Variants in AKR1A1 observed in about 807,000 individuals in gnomAD.
AKR1A1 encodes HEL-S-165mP.
Under a neutral mutation model 39.2 loss-of-function variants are expected in AKR1A1, and 26 were observed. The observed-to-expected ratio is 0.66, with a 90% CI of 0.49 to 0.92. The LOEUF is 0.92. Ranked by LOEUF, AKR1A1 falls within the 40% of genes least tolerant of loss-of-function variation. The probability of loss-of-function intolerance (pLI) is 0.00; values close to 1 mark genes in which losing one functional copy is unlikely to be tolerated. For missense variants in AKR1A1, 378 were observed against 406.5 expected, an observed-to-expected ratio of 0.93 and a Z score of 0.60; for synonymous variants, 141 against 155.5, an observed-to-expected ratio of 0.91 and a Z score of 0.69.
At chr1:45,556,787 G>C (rs1369207770) in intron 1 of AKR1A1, among the ~76,000 whole-genome samples, 1 of 152,144 alleles carries the variant, frequency 6.6e-6, no homozygotes, top group Non-Finnish European at 1.5e-5. Flanking sequence ...TGAGGCAGGA[G>C]AATCGCTTGA....
intron 1 of AKR1A1, 141 bp downstream of exon 1, chr1:45,551,296 T>G (rs1446856157): frequency 7.1e-6 from 1 of 140,168 alleles, no homozygotes; most frequent in African/African-American, 3.3e-5. Flanking sequence ...ATTTGAGCTC[T>G]TCTTTTTCTC....
chr1:45,561,301 C>A (rs984065963), intron 1 of AKR1A1, among the ~76,000 whole-genome samples: 8 of 152,164 alleles, frequency 5.3e-5, no homozygotes, highest in African/African-American at 1.9e-4. Flanking sequence ...TGTCCAGGAG[C>A]TACTGGCCAT....
At chr1:45,564,406 T>C (rs551203381) in intron 2 of AKR1A1, among the ~76,000 whole-genome samples, 1 of 152,110 alleles carries the variant, frequency 6.6e-6, no homozygotes, top group Admixed American at 6.5e-5. Context: ...TAGGGCCGGG[T>C]ACCCTTGTTT....
intron 7 of AKR1A1, 32 bp from the exon 8 acceptor site, chr1:45,569,111 T>C (rs753680045): frequency 1.2e-6 from 2 of 1,609,630 alleles, no homozygotes; most frequent in Non-Finnish European, 1.7e-6. Flanking sequence ...CTCACAAAGC[T>C]GGCTTTCTTG....
chr1:45,561,695 C>T (rs1644279671), intron 1 of AKR1A1, 94 bp from the exon 2 acceptor site: 3 of 1,270,484 alleles, frequency 2.4e-6, no homozygotes, highest in South Asian at 2.5e-5. Flanking sequence ...TGAGCCACTG[C>T]ACTTGGCGCT....
chr1:45,566,258 G>C (rs1425070944), intron 2 of AKR1A1, among the ~76,000 whole-genome samples: 2 of 152,218 alleles, frequency 1.3e-5, no homozygotes, highest in African/African-American at 4.8e-5. Flanking sequence ...ACAGGCACCT[G>C]CCACCACACC....
intron 1 of AKR1A1, among the ~76,000 whole-genome samples, chr1:45,553,474 T>C (rs1644160624): frequency 6.6e-6 from 1 of 151,822 alleles, no homozygotes; most frequent in African/African-American, 2.4e-5. Flanking sequence ...TGGAGGTAGA[T>C]ATGGATGGAC....
intron 1 of AKR1A1, among the ~76,000 whole-genome samples, chr1:45,552,855 T>G (rs1644148600): frequency 6.6e-6 from 1 of 152,162 alleles, no homozygotes; most frequent in Non-Finnish European, 1.5e-5. Flanking sequence ...CTGGGCACAG[T>G]GGCTCATGCC....
intron 1 of AKR1A1, among the ~76,000 whole-genome samples, chr1:45,557,427 A>G (rs941281222): frequency 2.6e-5 from 4 of 152,232 alleles, no homozygotes; most frequent in Admixed American, 6.5e-5. Context: ...TGTTCTTTGC[A>G]GATCTCCTCC....
intron 2 of AKR1A1, among the ~76,000 whole-genome samples, chr1:45,565,755 G>A (rs541252627): frequency 4.0e-5 from 6 of 151,716 alleles, no homozygotes; most frequent in South Asian, 4.2e-4. Context: ...GATTATAGGC[G>A]TGAGCCACCA....
In AKR1A1 at chr1:45,568,033, C is replaced by T; in HGVS notation, c.408C>T (p.Asp136=). The T allele has an allele frequency of 6.2e-7, 1 of 1,613,992 alleles. No individual in the cohort carries two copies. The highest frequency in any genetic ancestry group is 8.5e-7 in the Non-Finnish European group (1 of 1,180,022). ...PKNADGTICY[D]STHYKETWKA... is the part of the protein sequence containing the mutation. ...ATGCTGATGGGACTATATGCTACGA[C>T]TCCACCCACTACAAGGAGACTTGGA... The change falls in exon 5 of 9, where the codon GAC becomes GAT. Residue 136 remains aspartate (D), a synonymous_variant. Coordinates refer to ENST00000351829, the MANE Select transcript of AKR1A1 (RefSeq NM_153326.3).
In AKR1A1 at chr1:45,566,599, G is replaced by A. The variant is rs369679468; in HGVS notation, c.115G>A (p.Val39Ile). The A allele has an allele frequency of 1.1e-5, 18 of 1,614,134 alleles. No homozygotes were observed. The highest frequency in any genetic ancestry group is 3.3e-4 in the Middle Eastern group (2 of 6,082). Residue 39 changes from valine (V) to isoleucine (I), a missense_variant, in exon 3 of 9, where the codon GTA becomes ATA. Transcript: ENST00000351829. ...AGCAGCTGTTAAGTATGCCCTTAGCGTAGGCTACCGCCACATTGATTGTGC... is the reference window on the plus strand; with the variant it reads ...AGCAGCTGTTAAGTATGCCCTTAGCATAGGCTACCGCCACATTGATTGTGC... ...VKAAVKYALS[V>I]GYRHIDCAAI...
At chr1:45,556,345 C>T (rs764554590) in intron 1 of AKR1A1, among the ~76,000 whole-genome samples, 1 of 151,904 alleles carries the variant, frequency 6.6e-6, no homozygotes, top group Non-Finnish European at 1.5e-5. Context: ...CACATTGGGC[C>T]GAGGTGGGTG....
chr1:45,567,880 C>A, intron 4 of AKR1A1, 102 bp from the exon 5 acceptor site: 1 of 1,135,300 alleles, frequency 8.8e-7, no homozygotes, highest in Non-Finnish European at 1.2e-6. Context: ...GGCCCTTTGT[C>A]CTCTCTGGGA....
chr1:45,556,127 A>G (rs374285710), intron 1 of AKR1A1, among the ~76,000 whole-genome samples: 3 of 152,226 alleles, frequency 2.0e-5, no homozygotes, highest in African/African-American at 7.2e-5. Context: ...TGTGTCTTCT[A>G]CTTCCCTGCA....
chr1:45,555,097 A>G (rs1644183841), intron 1 of AKR1A1, among the ~76,000 whole-genome samples: 1 of 152,210 alleles, frequency 6.6e-6, no homozygotes, highest in African/African-American at 2.4e-5. Context: ...GATAGAGTAC[A>G]AAGTCAACAC....
At chr1:45,565,471 A>AT (rs1019047883) in intron 2 of AKR1A1, among the ~76,000 whole-genome samples, 1 of 145,908 alleles carries the variant, frequency 6.9e-6, no homozygotes. Context: ...TTTTGTTGTT[A>AT]TTTTTTTTGT....
Position 45,569,178 on chromosome 1 carries a change from G to A in AKR1A1, c.861G>A (p.Lys287=), listed in dbSNP as rs147966788. Reference sequence around the variant, plus strand: ...TCACCTTTAGCCCAGAAGAGATGAAGCAGCTAAATGCCCTGAACAAAAATT... The same window carrying A: ...TCACCTTTAGCCCAGAAGAGATGAAACAGCTAAATGCCCTGAACAAAAATT... ...FDFTFSPEEM[K]QLNALNKNWR... is the part of the protein sequence containing the mutation. The change falls in exon 8 of 9, where the codon AAG becomes AAA. Residue 287 remains lysine, a synonymous_variant. Transcript: ENST00000351829. 2.4e-5 allele frequency: 39 copies of A among 1,614,134 alleles called. No individual in the cohort carries two copies. The highest frequency in any genetic ancestry group is 3.1e-5 in the Non-Finnish European group (36 of 1,179,998).
intron 4 of AKR1A1, 47 bp downstream of exon 4, chr1:45,567,067 G>C: frequency 3.1e-6 from 5 of 1,599,506 alleles, no homozygotes; most frequent in Non-Finnish European, 4.3e-6. Flanking sequence ...GGTTGAGCAG[G>C]ATGGTGTTAG....
Sources: gnomAD v4.1 joint callset for allele counts (sites outside exome capture counted in the v4.1 genomes callset) on GRCh38, gnomAD v4.1.1 for gene constraint, MANE v1.5 for transcripts, NCBI Gene and HGNC (gene_info 2026-07-23, HGNC 2026-07-21) for gene names.